Variants in CHST8 observed in about 807,000 individuals in gnomAD.
CHST8 encodes carbohydrate sulfotransferase 8.
A neutral mutation model predicts 15.0 loss-of-function variants in CHST8; 10 were observed. The ratio of observed to expected loss-of-function variants is 0.67; its 90% CI spans 0.41 to 1.13. The LOEUF (loss-of-function observed/expected upper bound fraction) is 1.13, where lower values mean the gene tolerates loss of function less well. Ranked by LOEUF, CHST8 falls within the 50% of genes most tolerant of loss-of-function variation. The pLI is 0.00. For synonymous variants in CHST8, 259 were observed against 256.6 expected, an observed-to-expected ratio of 1.01 and a Z score of -0.09; for missense variants, 634 against 608.2, an observed-to-expected ratio of 1.04 and a Z score of -0.45.
intron 1 of CHST8, among the ~76,000 whole-genome samples, chr19:33,629,222 C>G (rs989728983): frequency 6.6e-6 from 1 of 152,188 alleles, no homozygotes; most frequent in Non-Finnish European, 1.5e-5. Flanking sequence ...CACTTCCCTC[C>G]GGAGCTGAGT....
intron 3 of CHST8, among the ~76,000 whole-genome samples, chr19:33,692,120 G>C (rs1973109133): frequency 6.6e-6 from 1 of 151,266 alleles, no homozygotes; most frequent in Non-Finnish European, 1.5e-5. Context: ...GGGGTTGCCA[G>C]ACTTTTGTAA....
At chr19:33,732,037 A>G (rs1599597123) in intron 3 of CHST8, among the ~76,000 whole-genome samples, 1 of 152,014 alleles carries the variant, frequency 6.6e-6, no homozygotes, top group Non-Finnish European at 1.5e-5. Context: ...CTCCACTTCA[A>G]CCCAGCCAGC....
At chr19:33,732,394 A>C (rs1027352608) in intron 3 of CHST8, among the ~76,000 whole-genome samples, 1 of 151,814 alleles carries the variant, frequency 6.6e-6, no homozygotes, top group African/African-American at 2.4e-5. Flanking sequence ...CCTCCACAAG[A>C]CTGACTTTAC....
At chr19:33,697,367 C>T (rs1170403500) in intron 3 of CHST8, among the ~76,000 whole-genome samples, 1 of 151,756 alleles carries the variant, frequency 6.6e-6, no homozygotes, top group African/African-American at 2.4e-5. Flanking sequence ...GTAGCTGGGA[C>T]CACAGGCACC....
At chr19:33,691,007 G>T (rs1357084746) in intron 3 of CHST8, among the ~76,000 whole-genome samples, 1 of 152,208 alleles carries the variant, frequency 6.6e-6, no homozygotes, top group African/African-American at 2.4e-5. Flanking sequence ...GGGAGAGGAG[G>T]CATGAGTGTG....
At chr19:33,741,800 C>T (rs1032334608) in intron 3 of CHST8, among the ~76,000 whole-genome samples, 6 of 151,958 alleles carry the variant, frequency 3.9e-5, no homozygotes, top group African/African-American at 1.5e-4. Flanking sequence ...GGGAGAGGGT[C>T]ACTGTCAAAG....
chr19:33,640,067 C>A (rs11671063), intron 1 of CHST8, among the ~76,000 whole-genome samples: 37,762 of 151,996 alleles, frequency 0.25, 4,751 homozygotes, highest in East Asian at 0.39. Flanking sequence ...TAGTCTCGAA[C>A]TCCTGACCTC....
chr19:33,670,562 G>A lies in CHST8; in HGVS notation c.-87+2719G>A, dbSNP rs539607980. On this transcript the variant is annotated intron_variant, in intron 2 of 4. Transcript: ENST00000650847. The stretch of plus-strand genomic sequence containing the variant: ...CTGCAGAGGCATGGTGCCAAGATCG[G>A]CTGCTCATTTTCCCTTCTTGATGAA... 7.4e-4 allele frequency among the ~76,000 whole-genome samples: 113 copies of A among 152,322 alleles called. 1 individual carries two copies. The highest frequency in any genetic ancestry group is 2.7e-3 in the African/African-American group (111 of 41,572).
intron 3 of CHST8, 146 bp downstream of exon 3, chr19:33,689,537 C>T (rs773968802): frequency 4.1e-5 from 39 of 947,460 alleles, no homozygotes; most frequent in Middle Eastern, 3.5e-4. Context: ...CCTGGCTTCC[C>T]GGGGAAGGCG....
intron 3 of CHST8, among the ~76,000 whole-genome samples, chr19:33,761,560 A>G (rs1599635735): frequency 6.6e-6 from 1 of 151,870 alleles, no homozygotes; most frequent in Admixed American, 6.6e-5. Flanking sequence ...TGAACTGCTG[A>G]CCTCAGGTGA....
intron 2 of CHST8, chr19:33,685,007 C>G (rs1234598995): frequency 1.3e-5 from 2 of 152,248 alleles, no homozygotes; most frequent in Non-Finnish European, 2.9e-5. Context: ...AGAGAACTTT[C>G]CCGAGCCCGG....
At position 33,772,764 on chromosome 19, in the gene CHST8, A is replaced by T; in HGVS notation, c.976A>T (p.Ile326Phe). ...CGTGCACCGGCCCGTGGGGATGGAC[A>T]TTCACTGGGACCATGTCAGCCGGCT... ...LDVHRPVGMD[I>F]HWDHVSRLCS... Residue 326 changes from isoleucine (I) to phenylalanine (F), a missense_variant, in exon 5 of 5, where the codon ATT becomes TTT. Coordinates refer to ENST00000650847, the MANE Select transcript of CHST8 (RefSeq NM_001127895.2). 6.2e-7 allele frequency: 1 copy of T among 1,613,434 alleles called. No individual in the cohort carries two copies. The highest frequency in any genetic ancestry group is 1.1e-5 in the South Asian group (1 of 91,084).
chr19:33,701,211 A>G (rs2145277875), intron 3 of CHST8, among the ~76,000 whole-genome samples: 1 of 152,204 alleles, frequency 6.6e-6, no homozygotes, highest in African/African-American at 2.4e-5. Context: ...TCCCCTTAGC[A>G]GTGCCATCCT....
chr19:33,719,116 G>A (rs1973727875), intron 3 of CHST8, among the ~76,000 whole-genome samples: 1 of 152,080 alleles, frequency 6.6e-6, no homozygotes, highest in Non-Finnish European at 1.5e-5. Context: ...CAAAGACCAG[G>A]CGAACTCAGG....
intron 3 of CHST8, among the ~76,000 whole-genome samples, chr19:33,757,208 A>G (rs1974563040): frequency 6.6e-6 from 1 of 151,616 alleles, no homozygotes; most frequent in South Asian, 2.1e-4. Flanking sequence ...TGGGCAACAT[A>G]GTAAAACCCC....
chr19:33,771,168 G>A (rs1011323029), intron 3 of CHST8, among the ~76,000 whole-genome samples: 3 of 152,168 alleles, frequency 2.0e-5, no homozygotes, highest in East Asian at 1.9e-4. Flanking sequence ...GGAGGCAGGC[G>A]TGATGCAGAG....
chr19:33,634,437 G>A (rs934542483), intron 1 of CHST8, among the ~76,000 whole-genome samples: 3 of 152,166 alleles, frequency 2.0e-5, no homozygotes, highest in Admixed American at 6.5e-5. Flanking sequence ...TTGTGGAAAC[G>A]TCTGGCAGTG....
intron 1 of CHST8, among the ~76,000 whole-genome samples, chr19:33,660,427 G>A (rs776354032): frequency 2.2e-4 from 34 of 152,152 alleles, no homozygotes; most frequent in Non-Finnish European, 4.3e-4. Context: ...TGGTGCTCAT[G>A]AGGTAGGAGA....
chr19:33,651,599 T>A (rs1972449645), intron 1 of CHST8, among the ~76,000 whole-genome samples: 4 of 152,214 alleles, frequency 2.6e-5, no homozygotes, highest in Admixed American at 1.3e-4. Flanking sequence ...ATATTGCTTG[T>A]TCAATAGCCA....
Sources: allele counts gnomAD v4.1 joint callset (sites outside exome capture counted in the v4.1 genomes callset), GRCh38; gene constraint gnomAD v4.1.1; transcripts MANE v1.5; gene names NCBI Gene and HGNC (gene_info 2026-07-23, HGNC 2026-07-21).